CFAP92: variants seen among roughly 807,000 people sequenced by gnomAD.
The protein encoded by CFAP92 is cilia and flagella associated protein 92 (putative), also known as uncharacterized protein CFAP92.
CFAP92 carries 86 observed loss-of-function variants against 106.3 expected under a neutral mutation model. The ratio of observed to expected loss-of-function variants is 0.81; its 90% confidence interval spans 0.68 to 0.97. The LOEUF (loss-of-function observed/expected upper bound fraction) is 0.97. Ranked by LOEUF, CFAP92 falls within the 50% of genes least tolerant of loss-of-function variation. CFAP92 has a pLI of 0.00. For missense variants in CFAP92, 1,204 were observed against 1,283.8 expected, an observed-to-expected ratio of 0.94 and a Z score of 0.95; for synonymous variants, 477 against 506.4, an observed-to-expected ratio of 0.94 and a Z score of 0.78.
chr3:128,999,684 G>A (rs767455877), intron 1 of CFAP92, among the ~76,000 whole-genome samples: 4 of 151,832 alleles, frequency 2.6e-5, no homozygotes, highest in South Asian at 2.1e-4. Flanking sequence ...GATTACAGGC[G>A]CCTGCCACCA....
intron 4 of CFAP92, among the ~76,000 whole-genome samples, chr3:128,983,265 C>T (rs1043773468): frequency 6.6e-6 from 1 of 152,172 alleles, no homozygotes; most frequent in African/African-American, 2.4e-5. Context: ...GATAGGCACA[C>T]ATGTTGAGGT....
At chr3:128,981,375 G>A (rs1943525693) in intron 4 of CFAP92, among the ~76,000 whole-genome samples, 1 of 150,214 alleles carries the variant, frequency 6.7e-6, no homozygotes, top group Admixed American at 6.7e-5. Flanking sequence ...CTGTCACCCA[G>A]GCTGGAGTGC....
the CFAP92 span, among the ~76,000 whole-genome samples, chr3:129,018,662 T>C: frequency 6.6e-6 from 1 of 152,190 alleles, no homozygotes; most frequent in Non-Finnish European, 1.5e-5. Context: ...CCTCATGTAT[T>C]CTGAGCAGGG....
chr3:128,928,134 T>C (rs974090269), intron 12 of CFAP92, among the ~76,000 whole-genome samples: 1 of 152,012 alleles, frequency 6.6e-6, no homozygotes, highest in Non-Finnish European at 1.5e-5. Flanking sequence ...GTATGTGTAG[T>C]CCCAGCTACT....
At chr3:128,962,228 C>T (rs1033413150) in intron 9 of CFAP92, among the ~76,000 whole-genome samples, 6 of 152,226 alleles carry the variant, frequency 3.9e-5, no homozygotes, top group Admixed American at 1.3e-4. Flanking sequence ...GCCGAGCTTC[C>T]GGTAACTCTC....
In CFAP92 at chr3:128,916,283, G is replaced by C; in HGVS notation, c.2752-12C>G. The C allele has an allele frequency of 8.1e-6, 10 of 1,232,018 alleles. No homozygotes were observed. Among genetic ancestry groups the C allele is most frequent in the Non-Finnish European group, 1.0e-5 (10 of 987,894 alleles). The allele number at this position is 1,232,018 out of a possible 1,614,324, so 76.3% of individuals were successfully genotyped here. A position where few individuals can be genotyped will look rare whatever the true frequency, so the allele number is the denominator to read the frequency against. ...TCTGTGATATTTTTCTGAAGAAAGA[G>C]ACACCAGTCACTACCCACACCAGGT... On this transcript the variant is annotated splice_polypyrimidine_tract_variant and intron_variant, in intron 12 of 15. Coordinates refer to ENST00000645291, the MANE Select transcript of CFAP92 (RefSeq NM_001394090.1).
chr3:128,919,358 CAA>C (rs1937083130), intron 12 of CFAP92, among the ~76,000 whole-genome samples: 4 of 152,000 alleles, frequency 2.6e-5, no homozygotes, highest in South Asian at 4.1e-4. Context: ...CATGAGAAAA[CAA>C]AGACAAAAAA....
At position 129,002,233 on chromosome 3, in the gene CFAP92, G is replaced by A. The variant is rs1288746017; in HGVS notation, n.117+341C>T. 6.5e-6 allele frequency: 10 copies of A among 1,529,214 alleles called. No homozygotes were observed. In the South Asian group the frequency reaches 1.1e-4, roughly 16 times the overall value. 94.7% of individuals were successfully genotyped at this position (1,529,214 alleles called of 1,614,324 possible). ...GGTCCTGACTGTGAGCGCGTTGCGC[G>A]GCTGGAGGAGGAGAATAGCAGCTTG... On this transcript the variant is annotated intron_variant and non_coding_transcript_variant, in intron 1 of 4. Transcript: ENST00000510149.
intron 8 of CFAP92, 30 bp downstream of exon 8, chr3:128,971,257 G>T: frequency 6.2e-7 from 1 of 1,613,594 alleles, no homozygotes; most frequent in South Asian, 1.1e-5. Context: ...ACAAGCAGGA[G>T]CTGCTGGGAA....
the CFAP92 span, among the ~76,000 whole-genome samples, chr3:129,021,138 G>A: frequency 5.9e-5 from 9 of 152,304 alleles, no homozygotes; most frequent in African/African-American, 2.2e-4. Context: ...GGCAGATCCT[G>A]TATGACCAAG....
chr3:128,921,159 T>A (rs1937248320), intron 12 of CFAP92, among the ~76,000 whole-genome samples: 1 of 152,064 alleles, frequency 6.6e-6, no homozygotes, highest in Non-Finnish European at 1.5e-5. Flanking sequence ...GACTTCATAG[T>A]CCCCACAGCC....
At chr3:128,932,397 A>ACACACACACACACACACACACACACG (rs1559864869) in intron 12 of CFAP92, among the ~76,000 whole-genome samples, 4 of 111,904 alleles carry the variant, frequency 3.6e-5, no homozygotes, top group African/African-American at 1.4e-4. Context: ...ACACACACAC[A>ACACACACACACACACACACACACACG]TGCCACAGTT....
At chr3:128,925,619 G>A (rs1040938803) in intron 12 of CFAP92, among the ~76,000 whole-genome samples, 2 of 152,086 alleles carry the variant, frequency 1.3e-5, no homozygotes, top group Non-Finnish European at 2.9e-5. Flanking sequence ...AGGAAGAGAA[G>A]ATGAATATAA....
Position 128,910,182 on chromosome 3 carries a change from C to A in CFAP92, c.*117G>T, listed in dbSNP as rs772128649. The A allele has an allele frequency of 4.3e-6, 7 of 1,613,466 alleles. No individual in the cohort carries two copies. Among genetic ancestry groups the A allele is most frequent in the Non-Finnish European group, 5.9e-6 (7 of 1,179,926 alleles). Reference sequence around the variant, plus strand: ...CAGCCCAGCCTCACACAGGGCCTGGCTGCTGCCATCTGTCCTGCTGCACTT... The same window carrying A: ...CAGCCCAGCCTCACACAGGGCCTGGATGCTGCCATCTGTCCTGCTGCACTT... On this transcript the variant is annotated 3_prime_UTR_variant, in exon 16 of 16. Transcript: ENST00000645291.
chr3:128,993,955 GT>G (rs1944374787), intron 1 of CFAP92, 24 bp downstream of exon 1: 1 of 987,918 alleles, frequency 1.0e-6, no homozygotes, highest in African/African-American at 1.7e-5. Context: ...AGGGGTCGGG[GT>G]TCCCCTCCAG....
At chr3:128,923,746 T>C (rs879539015) in intron 12 of CFAP92, among the ~76,000 whole-genome samples, 2 of 152,240 alleles carry the variant, frequency 1.3e-5, no homozygotes, top group Non-Finnish European at 2.9e-5. Flanking sequence ...GATTCAAAGT[T>C]GTGTTCGGCC....
Position 128,910,730 on chromosome 3 carries a change from G to A in CFAP92, c.3281-397C>T, listed in dbSNP as rs756996267. On this transcript the variant is annotated intron_variant, in intron 15 of 15. Coordinates refer to ENST00000645291, the MANE Select transcript of CFAP92 (RefSeq NM_001394090.1). ...ATTTGGGCATATCTTTTCTGTCCTC[G>A]GTTCTGGCAGGTTCTCTTGGCCAAC... The A allele has an allele frequency of 5.0e-6, 8 of 1,614,044 alleles. No homozygotes were observed. The highest frequency in any genetic ancestry group is 1.3e-5 in the African/African-American group (1 of 74,926).
Position 128,945,715 on chromosome 3 carries a change from G to C in CFAP92, c.1614C>G (p.Asn538Lys). The change falls in exon 10 of 16, where the codon AAC becomes AAG. Residue 538 changes from asparagine (N) to lysine (K), a missense_variant. Coordinates refer to ENST00000645291, the MANE Select transcript of CFAP92 (RefSeq NM_001394090.1). ...CTCTGGGAGAGATGAGGGCCTGGAAGTTGAGGTATGAATCCAGAGGGTCCT... is the reference window on the plus strand; with the variant it reads ...CTCTGGGAGAGATGAGGGCCTGGAACTTGAGGTATGAATCCAGAGGGTCCT... ...FGEDPLDSYL[N>K]FQALISPRET... The C allele has an allele frequency of 6.5e-7, 1 of 1,536,098 alleles. No homozygotes were observed. Among genetic ancestry groups the C allele is most frequent in the Non-Finnish European group, 8.7e-7 (1 of 1,146,902 alleles).
chr3:128,913,846 C>T (rs1242181127), intron 15 of CFAP92, among the ~76,000 whole-genome samples: 1 of 152,094 alleles, frequency 6.6e-6, no homozygotes, highest in Non-Finnish European at 1.5e-5. Flanking sequence ...AGCATGCATA[C>T]CTCTGGACAG....
Sources: allele counts gnomAD v4.1 joint callset (sites outside exome capture counted in the v4.1 genomes callset), GRCh38; gene constraint gnomAD v4.1.1; transcripts MANE v1.5; gene names NCBI Gene and HGNC (gene_info 2026-07-23, HGNC 2026-07-21).